The following RPS6KA1 variants were observed in gnomAD, a reference collection of about 807,000 sequenced individuals.
RPS6KA1 encodes the protein ribosomal protein S6 kinase A1.
A neutral mutation model predicts 91.3 loss-of-function variants in RPS6KA1; 48 were observed. The ratio of observed to expected loss-of-function variants is 0.53; its 90% confidence interval spans 0.42 to 0.67. The LOEUF (loss-of-function observed/expected upper bound fraction) is 0.67, where lower values mean the gene tolerates loss of function less well. Ranked by LOEUF, RPS6KA1 falls within the 30% of genes least tolerant of loss-of-function variation. RPS6KA1 has a pLI of 0.00. For synonymous variants in RPS6KA1, 359 were observed against 384.7 expected, an observed-to-expected ratio of 0.93 and a Z score of 0.78; for missense variants, 719 against 960.5, an observed-to-expected ratio of 0.75 and a Z score of 3.32.
chr1:26,565,863 A>G (rs1214453062), intron 17 of RPS6KA1, among the ~76,000 whole-genome samples: 1 of 152,130 alleles, frequency 6.6e-6, no homozygotes, highest in East Asian at 1.9e-4. Flanking sequence ...TTGGAATTTC[A>G]TACAAACTTT....
At chr1:26,536,146 T>G (rs1366090941) in intron 1 of RPS6KA1, among the ~76,000 whole-genome samples, 1 of 109,080 alleles carries the variant, frequency 9.2e-6, no homozygotes, top group South Asian at 3.3e-4. Context: ...AGAGCAAAAC[T>G]CTGTCTAAAA....
At chr1:26,568,227 A>C (rs938361749) in intron 17 of RPS6KA1, among the ~76,000 whole-genome samples, 4 of 152,104 alleles carry the variant, frequency 2.6e-5, no homozygotes, top group African/African-American at 9.7e-5. Flanking sequence ...TTCACTCATT[A>C]CTTGCCCAGC....
At chr1:26,543,052 G>A in intron 2 of RPS6KA1, 1 of 1,175,806 alleles carries the variant, frequency 8.5e-7, no homozygotes, top group Non-Finnish European at 1.2e-6. Context: ...TGCAGAGGGG[G>A]AAGTGAGAAG....
At chr1:26,530,693 T>C (rs2075861128) in intron 1 of RPS6KA1, 3 of 1,238,056 alleles carry the variant, frequency 2.4e-6, no homozygotes, top group Non-Finnish European at 3.1e-6. Context: ...CTTGGGGAGT[T>C]TGGCTTCTGC....
chr1:26,536,626 A>G (rs1484841024), intron 1 of RPS6KA1, among the ~76,000 whole-genome samples: 5 of 152,142 alleles, frequency 3.3e-5, no homozygotes, highest in Admixed American at 1.3e-4. Context: ...CCCTGGGAGG[A>G]GGTGACATTT....
rs1273807884 is a variant in RPS6KA1, at chr1:26,554,673, C to T, written c.691C>T (p.Pro231Ser). ...CTGCGGGACAGTGGAGTACATGGCC[C>T]CTGAGGTCGTCAACCGCCAGGGCCA... The part of the protein sequence containing the change: ...SFCGTVEYMA[P>S]EVVNRQGHSH... Residue 231 changes from proline (P) to serine (S), a missense_variant, in exon 9 of 22, where the codon CCT (proline) becomes TCT (serine). Transcript: ENST00000374168. This position sits in a 1 kb window ranked among gnomAD's most constrained non-coding sequence, Gnocchi z 4.6. 6.2e-7 allele frequency: 1 copy of T among 1,613,374 alleles called. No homozygotes were observed. The highest frequency in any genetic ancestry group is 8.5e-7 in the Non-Finnish European group (1 of 1,179,444).
At position 26,558,947 on chromosome 1, in the gene RPS6KA1, G is replaced by A; in HGVS notation, c.1215+10G>A. 1.9e-6 allele frequency: 3 copies of A among 1,604,952 alleles called. No homozygotes were observed. In the East Asian group the frequency reaches 6.7e-5, roughly 36 times the overall value. On this transcript the variant is annotated intron_variant, in intron 14 of 21. Coordinates refer to ENST00000374168, the MANE Select transcript of RPS6KA1 (RefSeq NM_002953.4). This position sits in a 1 kb window ranked among gnomAD's most constrained non-coding sequence, Gnocchi z 4.0. The stretch of plus-strand genomic sequence containing the variant: ...GCACTCGGTGGTACAGGTGAGGGGG[G>A]CAGGGGGCTGCTGCTCCATTATCCT...
chr1:26,561,787 G>A lies in RPS6KA1; in HGVS notation c.1590+124G>A. Reference sequence around the variant, plus strand: ...CTAGCCAAACTGAGGGGACACTAGGGCTGGGTGGGTGGATGCGTGCAAAGG... The same window carrying A: ...CTAGCCAAACTGAGGGGACACTAGGACTGGGTGGGTGGATGCGTGCAAAGG... On this transcript the variant is annotated intron_variant, in intron 17 of 21. Coordinates refer to ENST00000374168, the MANE Select transcript of RPS6KA1 (RefSeq NM_002953.4). The surrounding 1 kb of genome is among the most constrained non-coding windows in gnomAD (Gnocchi z 5.7). The A allele has an allele frequency of 9.3e-6, 9 of 969,768 alleles. No individual in the cohort carries two copies. Among genetic ancestry groups the A allele is most frequent in the Non-Finnish European group, 1.4e-5 (9 of 655,810 alleles). 60.1% of individuals were successfully genotyped at this position (969,768 alleles called of 1,614,324 possible).
chr1:26,536,581 G>A lies in RPS6KA1; in HGVS notation c.64-344G>A, dbSNP rs1005852804. Among the ~76,000 whole-genome samples the A allele has an allele frequency of 3.9e-5, 6 of 152,196 alleles. No homozygotes were observed. In the East Asian group the frequency reaches 1.2e-3, roughly 29 times the overall value. On this transcript the variant is annotated intron_variant, in intron 1 of 21. Coordinates refer to ENST00000374168, the MANE Select transcript of RPS6KA1 (RefSeq NM_002953.4). Reference sequence around the variant, plus strand: ...CTAGTTTGTACAAGGTTTGTATCTGGTAGAGCTGGAAGCCACACATGACCC... The same window carrying A: ...CTAGTTTGTACAAGGTTTGTATCTGATAGAGCTGGAAGCCACACATGACCC...
Position 26,551,694 on chromosome 1 carries a change from G to A in RPS6KA1, c.439G>A (p.Gly147Arg), listed in dbSNP as rs1557500190. 2 of 1,614,166 alleles carry A rather than the reference G, an allele frequency of 1.2e-6. No homozygotes were observed. Among genetic ancestry groups the A allele is most frequent in the Non-Finnish European group, 1.7e-6 (2 of 1,180,016 alleles). Reference protein sequence around the residue: ...LYLILDFLRGGDLFTRLSKEV... With the variant: ...LYLILDFLRGRDLFTRLSKEV... ...TCTCATTCTGGACTTCCTGCGTGGT[G>A]GGGACCTCTTCACCCGGCTCTCAAA... Residue 147 changes from glycine to arginine, a missense_variant, in exon 6 of 22, where the codon GGG (glycine) becomes AGG (arginine). Gly to Arg is a moderately radical substitution (Grantham distance 125). Around this residue, in one of 5 missense-constraint regions of RPS6KA1, gnomAD observed 159 missense variants for 264.5 expected, o/e 0.60. Coordinates refer to ENST00000374168, the MANE Select transcript of RPS6KA1 (RefSeq NM_002953.4). The surrounding 1 kb of genome is among the most constrained non-coding windows in gnomAD (Gnocchi z 4.5).
At chr1:26,552,715 G>T in intron 6 of RPS6KA1, 1 of 231,908 alleles carries the variant, frequency 4.3e-6, no homozygotes, top group Non-Finnish European at 8.9e-6. Context: ...TCGAACTCCT[G>T]ACCTCGGGTG....
chr1:26,545,906 G>GCAGGATCCCAAGCC (rs2075990464), intron 2 of RPS6KA1: 3 of 1,575,266 alleles, frequency 1.9e-6, no homozygotes, highest in Non-Finnish European at 2.6e-6. Flanking sequence ...GGCGGATGGA[G>GCAGGATCCCAAGCC]CAGGATCCCA....
chr1:26,539,257 G>A (rs1028973500), intron 2 of RPS6KA1, among the ~76,000 whole-genome samples: 1 of 152,210 alleles, frequency 6.6e-6, no homozygotes, highest in Non-Finnish European at 1.5e-5. Context: ...GGCTGAGTGT[G>A]GACCAGAGAC....
Position 26,561,454 on chromosome 1 carries a change from G to A in RPS6KA1, c.1432-51G>A. ...TGCTCTGGGGCGCTGCTGACCAGGG[G>A]GCTCAGGCCTGACACTGGGGAGAAG... On this transcript the variant is annotated intron_variant, in intron 16 of 21. Transcript: ENST00000374168. The surrounding 1 kb of genome is among the most constrained non-coding windows in gnomAD (Gnocchi z 5.7). 1 of 1,611,836 alleles carries A rather than the reference G, an allele frequency of 6.2e-7. No individual in the cohort carries two copies. Among genetic ancestry groups the A allele is most frequent in the South Asian group, 1.1e-5 (1 of 91,018 alleles).
intron 17 of RPS6KA1, among the ~76,000 whole-genome samples, chr1:26,562,825 CTTTTTTTTT>C (rs748764001): frequency 7.4e-5 from 6 of 81,444 alleles, no homozygotes; most frequent in African/African-American, 3.0e-4. Context: ...TCCTATTGTC[CTTTTTTTTT>C]TTTTTTTTTT....
At position 26,554,567 on chromosome 1, in the gene RPS6KA1, G is replaced by A. The variant is rs1277680523; in HGVS notation, c.614-29G>A. 6.3e-7 allele frequency: 1 copy of A among 1,598,216 alleles called. No individual in the cohort carries two copies. The highest frequency in any genetic ancestry group is 8.6e-7 in the Non-Finnish European group (1 of 1,168,870). ...GCAGCAAGGAAGGCAGGGGTCCTAA[G>A]GTGTGTCCTCCTGCCCTCCTTGCTG... is the stretch of plus-strand genomic sequence containing the variant. On this transcript the variant is annotated intron_variant, in intron 8 of 21. Transcript: ENST00000374168. The surrounding 1 kb of genome is among the most constrained non-coding windows in gnomAD (Gnocchi z 4.6).
chr1:26,557,396 C>T lies in RPS6KA1; in HGVS notation c.1084+296C>T, dbSNP rs183811096. Among the ~76,000 whole-genome samples, 17 of 152,216 alleles carry T rather than the reference C, an allele frequency of 1.1e-4. No homozygotes were observed. In the East Asian group the frequency reaches 2.3e-3, roughly 21 times the overall value. Reference sequence around the variant, plus strand: ...CAGGACCCCTGCCCGGGGCACCTTCCAGCCCACTGGGAAGACCAAACACAT... The same window carrying T: ...CAGGACCCCTGCCCGGGGCACCTTCTAGCCCACTGGGAAGACCAAACACAT... On this transcript the variant is annotated intron_variant, in intron 13 of 21. Transcript: ENST00000374168.
In RPS6KA1 at chr1:26,572,933, G is replaced by A. The variant is rs1263464478; in HGVS notation, c.1948-291G>A. On this transcript the variant is annotated intron_variant, in intron 20 of 21. Transcript: ENST00000374168. Reference sequence around the variant, plus strand: ...AGTGCAGAAGGCAAGTTTTGAACCTGAATCTGTCTGAGCCCAAACCTGAGG... The same window carrying A: ...AGTGCAGAAGGCAAGTTTTGAACCTAAATCTGTCTGAGCCCAAACCTGAGG... Among the ~76,000 whole-genome samples the A allele has an allele frequency of 3.3e-5, 5 of 152,354 alleles. No individual in the cohort carries two copies. In the East Asian group the frequency reaches 9.6e-4, roughly 29 times the overall value.
intron 2 of RPS6KA1, chr1:26,543,257 G>T: frequency 6.8e-7 from 1 of 1,462,728 alleles, no homozygotes; most frequent in Non-Finnish European, 9.3e-7. Context: ...AGCGGTGTCT[G>T]TCACCATGAC....
Sources: allele counts gnomAD v4.1 joint callset (sites outside exome capture counted in the v4.1 genomes callset), GRCh38; gene constraint gnomAD v4.1.1; regional missense constraint gnomAD v4.1.1; non-coding constraint Gnocchi (gnomAD v3.1); transcripts MANE v1.5; gene names NCBI Gene and HGNC (gene_info 2026-07-23, HGNC 2026-07-21).